Variants in NAV2 observed in about 807,000 individuals in gnomAD.
NAV2 encodes neuron navigator 2, also known as helicase, APC down-regulated 1.
Under a neutral mutation model 223.2 loss-of-function variants are expected in NAV2, and 54 were observed. The observed-to-expected ratio is 0.24, with a 90% CI of 0.19 to 0.30. The LOEUF (loss-of-function observed/expected upper bound fraction) is 0.30. Among genes scored for constraint, NAV2 ranks in the 10% least tolerant of loss-of-function variants. The pLI is 1.00. For synonymous variants in NAV2, 1,279 were observed against 1,239.3 expected (o/e 1.03, Z -0.67); for missense variants, 2,806 against 3,147.5 (o/e 0.89, Z 2.60).
intron 1 of NAV2, among the ~76,000 whole-genome samples, chr11:19,745,886 C>T (rs1299961635): frequency 2.0e-5 from 3 of 152,194 alleles, no homozygotes; most frequent in African/African-American, 4.8e-5. Flanking sequence ...TACAATGGTA[C>T]TTGTCCATGG....
intron 5 of NAV2, among the ~76,000 whole-genome samples, chr11:19,882,211 G>A (rs2625312): frequency 0.19 from 28,269 of 152,132 alleles, 3,288 homozygotes; most frequent in South Asian, 0.41. Flanking sequence ...TCAGTTGAGA[G>A]GACTTTGCAA....
intron 1 of NAV2, among the ~76,000 whole-genome samples, chr11:19,525,676 G>A (rs2043818079): frequency 6.6e-6 from 1 of 152,196 alleles, no homozygotes; most frequent in Non-Finnish European, 1.5e-5. Flanking sequence ...TGCGGGGATA[G>A]TCTTGTTCCC....
intron 1 of NAV2, among the ~76,000 whole-genome samples, chr11:19,638,398 A>C (rs1165796359): frequency 6.6e-6 from 1 of 152,242 alleles, no homozygotes; most frequent in African/African-American, 2.4e-5. Context: ...TGGAAGCAAT[A>C]ATGTGAAGGA....
chr11:19,765,031 C>A (rs933667228), intron 1 of NAV2, among the ~76,000 whole-genome samples: 1 of 152,154 alleles, frequency 6.6e-6, no homozygotes, highest in South Asian at 2.1e-4. Context: ...GTGCAAGTGT[C>A]CTGGATCTGA....
upstream of NAV2, among the ~76,000 whole-genome samples, chr11:19,347,772 T>A (rs1282716418): frequency 6.6e-6 from 1 of 152,232 alleles, no homozygotes; most frequent in Non-Finnish European, 1.5e-5. Flanking sequence ...ACAATTCAGT[T>A]AAATGTTCCC....
At chr11:19,823,935 A>C (rs1325048315) in intron 1 of NAV2, among the ~76,000 whole-genome samples, 2 of 152,176 alleles carry the variant, frequency 1.3e-5, no homozygotes, top group African/African-American at 4.8e-5. Context: ...CAAGAAAAGA[A>C]AAGAAAAAGT....
intron 1 of NAV2, among the ~76,000 whole-genome samples, chr11:19,588,410 C>T (rs1444505459): frequency 6.6e-6 from 1 of 152,142 alleles, no homozygotes; most frequent in African/African-American, 2.4e-5. Flanking sequence ...CAAAAATGAC[C>T]CAGCTTGTGA....
At chr11:20,005,272 A>ATT (rs2052953462) in intron 11 of NAV2, among the ~76,000 whole-genome samples, 3 of 115,486 alleles carry the variant, frequency 2.6e-5, no homozygotes, top group Non-Finnish European at 3.8e-5. Context: ...TTTTTTTGAG[A>ATT]TGGAGTCTTG....
At chr11:19,972,239 A>T (rs1019010283) in intron 10 of NAV2, among the ~76,000 whole-genome samples, 3 of 152,190 alleles carry the variant, frequency 2.0e-5, no homozygotes, top group African/African-American at 7.2e-5. Context: ...TGGAGATAGG[A>T]TCATTCCTAC....
intron 1 of NAV2, among the ~76,000 whole-genome samples, chr11:19,390,189 G>T (rs1372794691): frequency 1.3e-5 from 2 of 152,210 alleles, no homozygotes; most frequent in Non-Finnish European, 2.9e-5. Context: ...CTGTGTGGGT[G>T]CTGGTGGACT....
chr11:19,419,623 T>C (rs1850527970), intron 1 of NAV2, among the ~76,000 whole-genome samples: 1 of 152,174 alleles, frequency 6.6e-6, no homozygotes, highest in African/African-American at 2.4e-5. Context: ...GTAGACAGGA[T>C]TGAGCAAGGA....
intron 1 of NAV2, among the ~76,000 whole-genome samples, chr11:19,530,531 C>G (rs1368381862): frequency 6.6e-6 from 1 of 152,120 alleles, no homozygotes; most frequent in Non-Finnish European, 1.5e-5. Flanking sequence ...AATGGCATGC[C>G]CAGGGTCACC....
Position 19,933,620 on chromosome 11 carries a change from C to A in NAV2, c.1376C>A (p.Pro459His), listed in dbSNP as rs769672085. ...ACCGTGGGCCCTGCTTCCAGCAGCC[C>A]CAAGATTGCACTCAAGGGCATTGCC... Reference protein sequence around the residue: ...LTTVGPASSSPKIALKGIAQR... With the variant: ...LTTVGPASSSHKIALKGIAQR... Residue 459 changes from proline to histidine, a missense_variant, in exon 7 of 38, where the codon CCC (proline) becomes CAC (histidine). Pro to His is a moderately conservative substitution (Grantham distance 77, BLOSUM62 -2). Transcript: ENST00000349880. This position sits in a 1 kb window ranked among gnomAD's most constrained non-coding sequence, Gnocchi z 4.3. The A allele has an allele frequency of 6.2e-7, 1 of 1,614,122 alleles. No homozygotes were observed. Among genetic ancestry groups the A allele is most frequent in the South Asian group, 1.1e-5 (1 of 91,076 alleles).
At chr11:20,022,779 C>A in intron 11 of NAV2, 1 of 1,150,442 alleles carries the variant, frequency 8.7e-7, no homozygotes, top group Non-Finnish European at 1.1e-6. Context: ...GAGGGCCCTT[C>A]CATTCAGTGC....
chr11:19,419,280 AGAG>A lies in NAV2; in HGVS notation c.75+68257_75+68259del, dbSNP rs747628551. ...AACATGTGACTTTCTTACTATCTTT[AGAG>A]GAGAGGCACTGCAGGTGAGCCTCAT... On this transcript the variant is annotated intron_variant, in intron 1 of 37. Transcript: ENST00000360655. 1.6e-4 allele frequency among the ~76,000 whole-genome samples: 25 copies of A among 152,232 alleles called. 1 individual carries two copies. Among genetic ancestry groups the A allele is most frequent in the Non-Finnish European group, 3.5e-4 (24 of 68,050 alleles).
chr11:20,010,820 C>T (rs1452755695), intron 11 of NAV2, among the ~76,000 whole-genome samples: 1 of 152,088 alleles, frequency 6.6e-6, no homozygotes, highest in African/African-American at 2.4e-5. Flanking sequence ...GATCTTTTTC[C>T]TTCTCTAGGA....
In NAV2 at chr11:19,689,903, C is replaced by A. The variant is rs191490849; in HGVS notation, c.76-142581C>A. 9.3e-4 allele frequency among the ~76,000 whole-genome samples: 141 copies of A among 152,332 alleles called. No individual in the cohort carries two copies. The Middle Eastern group carries it at 0.017, about 18-fold the overall frequency. On this transcript the variant is annotated intron_variant, in intron 1 of 37. Coordinates refer to the NAV2 transcript ENST00000360655. ...TACTGACTATCATATGAGAATCAAACAAATGCTGCAGAAAGAACCTAGAGT... is the reference window on the plus strand; with the variant it reads ...TACTGACTATCATATGAGAATCAAAAAAATGCTGCAGAAAGAACCTAGAGT...
chr11:19,709,363 G>A (rs377449106), upstream of NAV2, among the ~76,000 whole-genome samples: 879 of 151,616 alleles, frequency 5.8e-3, 6 homozygotes, highest in South Asian at 0.023. Context: ...TAACATGGTG[G>A]AACCCCGTCT....
intron 11 of NAV2, among the ~76,000 whole-genome samples, chr11:19,996,583 T>C (rs539518933): frequency 6.6e-6 from 1 of 152,328 alleles, no homozygotes; most frequent in African/African-American, 2.4e-5. Context: ...CAGCTGAGGC[T>C]TCAGAGTTTC....
Sources: allele counts gnomAD v4.1 joint callset (sites outside exome capture counted in the v4.1 genomes callset), GRCh38; gene constraint gnomAD v4.1.1; non-coding constraint Gnocchi (gnomAD v3.1); transcripts MANE v1.5; gene names NCBI Gene and HGNC (gene_info 2026-07-23, HGNC 2026-07-21).